REEP3: variants seen among roughly 807,000 people sequenced by gnomAD.
The protein encoded by REEP3 is receptor accessory protein 3.
REEP3 carries 20 observed loss-of-function variants against 41.3 expected under a neutral mutation model. The observed-to-expected ratio is 0.48, with a 90% confidence interval of 0.34 to 0.70. The LOEUF is 0.70. Ranked by LOEUF, REEP3 falls within the 30% of genes least tolerant of loss-of-function variation. The pLI, the probability that REEP3 is intolerant of heterozygous loss-of-function variation, is 0.01. For synonymous variants in REEP3, 104 were observed against 101.8 expected (o/e 1.02, Z -0.13); for missense variants, 271 against 308.8 (o/e 0.88, Z 0.92).
chr10:63,548,966 G>C (rs554786061), intron 1 of REEP3, among the ~76,000 whole-genome samples: 1 of 151,692 alleles, frequency 6.6e-6, no homozygotes, highest in African/African-American at 2.4e-5. Context: ...GTCAAAATAA[G>C]TGCCCTTTGA....
chr10:63,570,101 T>A (rs1395978944), intron 2 of REEP3, among the ~76,000 whole-genome samples: 2 of 152,190 alleles, frequency 1.3e-5, no homozygotes, highest in Non-Finnish European at 2.9e-5. Flanking sequence ...TTATTACCCC[T>A]GATACAACAC....
chr10:63,617,533 G>A (rs1197083997), intron 6 of REEP3, among the ~76,000 whole-genome samples: 3 of 152,084 alleles, frequency 2.0e-5, no homozygotes, highest in Non-Finnish European at 4.4e-5. Flanking sequence ...TGGAGGAGCT[G>A]GGACTACAGG....
At chr10:63,589,619 T>C (rs140934420) in intron 2 of REEP3, among the ~76,000 whole-genome samples, 2 of 152,168 alleles carry the variant, frequency 1.3e-5, no homozygotes, top group East Asian at 3.9e-4. Context: ...ATAATACCAG[T>C]TCCTGCAGTG....
intron 2 of REEP3, among the ~76,000 whole-genome samples, chr10:63,585,979 A>G (rs562336910): frequency 6.6e-6 from 1 of 152,298 alleles, no homozygotes; most frequent in Admixed American, 6.5e-5. Flanking sequence ...CAATTTCATA[A>G]AAGTTTTCTC....
At chr10:63,524,605 G>A (rs1031031274) in intron 1 of REEP3, among the ~76,000 whole-genome samples, 6 of 151,910 alleles carry the variant, frequency 3.9e-5, no homozygotes, top group South Asian at 2.1e-4. Flanking sequence ...CACCACACCC[G>A]GCTAATTTTT....
chr10:63,566,268 G>T lies in REEP3; in HGVS notation c.33-70G>T, dbSNP rs1955797644. 14 of 802,042 alleles carry T rather than the reference G, an allele frequency of 1.7e-5. No individual in the cohort carries two copies. The South Asian group carries it at 2.3e-4, about 13-fold the overall frequency. The allele number at this position is 802,042 out of a possible 1,614,324, so 49.7% of individuals were successfully genotyped here. A position where few individuals can be genotyped will look rare whatever the true frequency, so the allele number is the denominator to read the frequency against. ...CAAATTTACAGTTATTTGTTTATTA[G>T]GTTAAATTTTTATGAGCTGTTTAAA... On this transcript the variant is annotated intron_variant, in intron 1 of 7. Transcript: ENST00000373758.
chr10:63,545,521 C>T (rs12263355), intron 1 of REEP3, among the ~76,000 whole-genome samples: 53,059 of 151,406 alleles, frequency 0.35, 10,084 homozygotes, highest in African/African-American at 0.48. Flanking sequence ...ACTACAGGCA[C>T]CCGCCACCAT....
intron 2 of REEP3, among the ~76,000 whole-genome samples, chr10:63,570,661 T>C (rs1955844304): frequency 6.6e-6 from 1 of 152,188 alleles, no homozygotes; most frequent in Non-Finnish European, 1.5e-5. Flanking sequence ...CTGGAGCTGG[T>C]TTGATAATTA....
At chr10:63,543,637 T>A (rs1955551360) in intron 1 of REEP3, among the ~76,000 whole-genome samples, 1 of 152,246 alleles carries the variant, frequency 6.6e-6, no homozygotes, top group Non-Finnish European at 1.5e-5. Flanking sequence ...TCTGCCTTCC[T>A]ATCCACAGTA....
intron 2 of REEP3, among the ~76,000 whole-genome samples, chr10:63,582,258 T>G (rs1020689886): frequency 1.3e-5 from 2 of 152,356 alleles, no homozygotes; most frequent in Admixed American, 1.3e-4. Flanking sequence ...TCACAAAGAT[T>G]CTGTGCATGT....
intron 7 of REEP3, 144 bp downstream of exon 7, chr10:63,619,944 T>A (rs1956340902): frequency 1.1e-5 from 8 of 753,992 alleles, no homozygotes; most frequent in South Asian, 2.4e-5. Flanking sequence ...TTTTTTTTTT[T>A]AGTTTTTGGG....
At chr10:63,585,136 A>T (rs955567255) in intron 2 of REEP3, among the ~76,000 whole-genome samples, 1 of 152,186 alleles carries the variant, frequency 6.6e-6, no homozygotes, top group African/African-American at 2.4e-5. Flanking sequence ...ACTTGTTGGG[A>T]TTGTGTATCA....
chr10:63,548,385 T>C (rs780237721), intron 1 of REEP3, among the ~76,000 whole-genome samples: 1 of 151,932 alleles, frequency 6.6e-6, no homozygotes, highest in East Asian at 1.9e-4. Flanking sequence ...AAAAATTGAA[T>C]GATGGTACAT....
Position 63,589,705 on chromosome 10 carries a change from A to T in REEP3, c.106-5073A>T, listed in dbSNP as rs557631096. 7.4e-4 allele frequency among the ~76,000 whole-genome samples: 110 copies of T among 149,622 alleles called. 1 individual carries two copies. Among genetic ancestry groups the T allele is most frequent in the South Asian group, 2.0e-3 (9 of 4,600 alleles). On this transcript the variant is annotated intron_variant, in intron 2 of 7. Coordinates refer to ENST00000373758, the MANE Select transcript of REEP3 (RefSeq NM_001001330.3). ...ACACAGATTTATAAATAATCCCTTT[A>T]GTAAGCTTTCCTCCAAATATTGGGA... is the stretch of plus-strand genomic sequence containing the variant.
intron 2 of REEP3, among the ~76,000 whole-genome samples, chr10:63,594,111 C>T (rs1203878979): frequency 2.6e-5 from 4 of 151,708 alleles, no homozygotes; most frequent in Admixed American, 2.6e-4. Flanking sequence ...GGCATGGTGG[C>T]TCATGCCTGC....
intron 1 of REEP3, among the ~76,000 whole-genome samples, chr10:63,548,412 C>A (rs751846049): frequency 1.3e-5 from 2 of 151,904 alleles, no homozygotes; most frequent in South Asian, 2.1e-4. Context: ...AAAAAAAAAT[C>A]TATTCTTGAA....
chr10:63,530,866 C>T (rs185845060), intron 1 of REEP3, among the ~76,000 whole-genome samples: 3 of 152,244 alleles, frequency 2.0e-5, no homozygotes, highest in African/African-American at 7.2e-5. Flanking sequence ...ACTGTTGATT[C>T]ATAACAACAT....
At chr10:63,537,952 T>C (rs537851994) in intron 1 of REEP3, among the ~76,000 whole-genome samples, 40 of 150,804 alleles carry the variant, frequency 2.7e-4, no homozygotes, top group Non-Finnish European at 4.3e-4. Flanking sequence ...AAAAGCTTTC[T>C]TCCCCCCCCG....
chr10:63,536,057 T>C (rs1454558336), intron 1 of REEP3, among the ~76,000 whole-genome samples: 1 of 152,236 alleles, frequency 6.6e-6, no homozygotes, highest in Non-Finnish European at 1.5e-5. Context: ...TTCAAACTAA[T>C]TTGTTTCTGT....
Sources: allele counts gnomAD v4.1 joint callset (sites outside exome capture counted in the v4.1 genomes callset), GRCh38; gene constraint gnomAD v4.1.1; transcripts MANE v1.5; gene names NCBI Gene and HGNC (gene_info 2026-07-23, HGNC 2026-07-21).